DLG2: variants seen among roughly 807,000 people sequenced by gnomAD.
DLG2 encodes the protein disks large homolog 2.
A neutral mutation model predicts 132.5 loss-of-function variants in DLG2; 45 were observed. That is an observed-to-expected ratio of 0.34 (90% confidence interval 0.27 to 0.44). The LOEUF is 0.44. Ranked by LOEUF, DLG2 falls within the 20% of genes least tolerant of loss-of-function variation. The pLI is 1.00. For synonymous variants in DLG2, 424 were observed against 419.6 expected (o/e 1.01, Z -0.13); for missense variants, 1,045 against 1,196.9 (o/e 0.87, Z 1.87).
chr11:84,417,357 G>C (rs2098933383), intron 7 of DLG2, among the ~76,000 whole-genome samples: 1 of 152,180 alleles, frequency 6.6e-6, no homozygotes, highest in Non-Finnish European at 1.5e-5. Context: ...ACAAGACATG[G>C]AAAGTATCTA....
intron 3 of DLG2, among the ~76,000 whole-genome samples, chr11:85,293,898 GC>G (rs1345236393): frequency 1.5e-4 from 23 of 152,170 alleles, no homozygotes; most frequent in African/African-American, 4.8e-4. Flanking sequence ...TGTGCCTAAT[GC>G]CCCCAACTAT....
chr11:84,099,079 G>A, intron 9 of DLG2, 32 bp from the exon 10 acceptor site: 1 of 1,603,666 alleles, frequency 6.2e-7, no homozygotes, highest in Non-Finnish European at 8.5e-7. Context: ...ATTAAATGAT[G>A]TGTCTGTCAC....
At chr11:83,622,087 G>A (rs1277231332) in intron 19 of DLG2, among the ~76,000 whole-genome samples, 2 of 151,748 alleles carry the variant, frequency 1.3e-5, no homozygotes, top group Non-Finnish European at 2.9e-5. Context: ...GCTAATTTTT[G>A]TGTTGTTTTG....
chr11:83,575,746 A>C (rs2096863957), intron 19 of DLG2, among the ~76,000 whole-genome samples: 1 of 152,140 alleles, frequency 6.6e-6, no homozygotes, highest in African/African-American at 2.4e-5. Flanking sequence ...TCCCATCTAA[A>C]AAAATTTAAA....
intron 4 of DLG2, among the ~76,000 whole-genome samples, chr11:85,270,054 A>G (rs1179346642): frequency 2.0e-5 from 3 of 152,242 alleles, no homozygotes; most frequent in African/African-American, 2.4e-5. Flanking sequence ...AGAGTTCTCC[A>G]GAGAAACAGA....
intron 7 of DLG2, among the ~76,000 whole-genome samples, chr11:84,285,279 T>G (rs1015786787): frequency 6.6e-6 from 1 of 152,034 alleles, no homozygotes; most frequent in African/African-American, 2.4e-5. Flanking sequence ...CTCCGCCCAC[T>G]CCATTTCTCA....
intron 6 of DLG2, among the ~76,000 whole-genome samples, chr11:84,964,898 C>T (rs1484651399): frequency 2.0e-5 from 3 of 151,938 alleles, no homozygotes; most frequent in Non-Finnish European, 4.4e-5. Flanking sequence ...ATAAAATACA[C>T]AAGAATACAC....
At chr11:85,281,967 T>G (rs190915738) in intron 4 of DLG2, among the ~76,000 whole-genome samples, 151 of 151,738 alleles carry the variant, frequency 1.0e-3, no homozygotes, top group Non-Finnish European at 1.9e-3. Context: ...AAAGTGTCCA[T>G]CAACAGATGA....
chr11:85,302,205 C>G (rs2079627398), intron 3 of DLG2, among the ~76,000 whole-genome samples: 1 of 152,164 alleles, frequency 6.6e-6, no homozygotes. Flanking sequence ...TAACATATCA[C>G]AAATAATGAT....
intron 6 of DLG2, among the ~76,000 whole-genome samples, chr11:84,788,541 T>C (rs2073310744): frequency 6.6e-6 from 1 of 152,178 alleles, no homozygotes; most frequent in South Asian, 2.1e-4. Context: ...TTTCTTAGTA[T>C]TCCAATGTAT....
chr11:83,681,173 CA>C (rs954001082), intron 18 of DLG2, among the ~76,000 whole-genome samples: 1 of 151,596 alleles, frequency 6.6e-6, no homozygotes, highest in African/African-American at 2.4e-5. Context: ...TCTGCTATTG[CA>C]AAAAAAAGTA....
chr11:83,676,766 A>G (rs1857311905), intron 18 of DLG2, among the ~76,000 whole-genome samples: 1 of 152,200 alleles, frequency 6.6e-6, no homozygotes. Flanking sequence ...AATGGAAAGC[A>G]GCCTTATCTG....
intron 18 of DLG2, among the ~76,000 whole-genome samples, chr11:83,639,179 C>T (rs1013761882): frequency 3.3e-5 from 5 of 152,186 alleles, no homozygotes; most frequent in African/African-American, 1.2e-4. Flanking sequence ...TAGCATGAGG[C>T]CATGGCCTGC....
At chr11:84,553,515 C>A (rs926048704) in intron 6 of DLG2, among the ~76,000 whole-genome samples, 1 of 152,152 alleles carries the variant, frequency 6.6e-6, no homozygotes, top group Non-Finnish European at 1.5e-5. Context: ...TTTAACCTAG[C>A]TTTGGCCGTA....
intron 7 of DLG2, among the ~76,000 whole-genome samples, chr11:84,270,931 C>T (rs533962206): frequency 1.3e-5 from 2 of 152,272 alleles, no homozygotes; most frequent in African/African-American, 4.8e-5. Context: ...GATATGTATA[C>T]TTCAGGATTT....
chr11:85,322,206 G>C (rs536715302), intron 3 of DLG2, among the ~76,000 whole-genome samples: 33 of 152,118 alleles, frequency 2.2e-4, no homozygotes, highest in African/African-American at 6.5e-4. Context: ...CCAGTGTACT[G>C]ATTCCTCTAC....
intron 6 of DLG2, among the ~76,000 whole-genome samples, chr11:84,592,903 C>A (rs11494269): frequency 0.072 from 8,668 of 120,270 alleles, 412 homozygotes; most frequent in South Asian, 0.2. Context: ...CAAGACCATT[C>A]TGGCTAACAC....
At chr11:84,837,631 G>T (rs1238270214) in intron 6 of DLG2, among the ~76,000 whole-genome samples, 1 of 151,722 alleles carries the variant, frequency 6.6e-6, no homozygotes. Context: ...AATCATCAGG[G>T]AAATATGCTG....
chr11:84,854,785 C>G (rs747084824), intron 6 of DLG2, among the ~76,000 whole-genome samples: 25 of 151,976 alleles, frequency 1.6e-4, no homozygotes, highest in Admixed American at 1.3e-4. Context: ...CCTACCCACC[C>G]ATGAATTGTG....
Sources: allele counts gnomAD v4.1 joint callset (sites outside exome capture counted in the v4.1 genomes callset), GRCh38; gene constraint gnomAD v4.1.1; transcripts MANE v1.5; gene names NCBI Gene and HGNC (gene_info 2026-07-23, HGNC 2026-07-21).